The following CDK5RAP2 variants were observed in gnomAD, a reference collection of about 807,000 sequenced individuals.
The protein encoded by CDK5RAP2 is CDK5 regulatory subunit-associated protein 2.
A neutral mutation model predicts 232.9 loss-of-function variants in CDK5RAP2; 147 were observed. The ratio of observed to expected loss-of-function variants is 0.63; its 90% CI spans 0.55 to 0.72. CDK5RAP2 has a LOEUF of 0.72. Ranked by LOEUF, CDK5RAP2 falls within the 30% of genes least tolerant of loss-of-function variation. The pLI is 0.00. For missense variants in CDK5RAP2, 2,195 were observed against 2,231.5 expected (o/e 0.98, Z 0.33); for synonymous variants, 833 against 833.7 (o/e 1.00, Z 0.01).
intron 12 of CDK5RAP2, among the ~76,000 whole-genome samples, chr9:120,506,789 C>T (rs930754179): frequency 6.6e-5 from 10 of 152,172 alleles, no homozygotes; most frequent in African/African-American, 2.4e-4. Flanking sequence ...GGAATTACTT[C>T]TTATGAATGG....
intron 12 of CDK5RAP2, among the ~76,000 whole-genome samples, chr9:120,503,318 G>A (rs1173926443): frequency 6.6e-6 from 1 of 152,192 alleles, no homozygotes; most frequent in Non-Finnish European, 1.5e-5. Context: ...AGCAGTCAAA[G>A]AAAGTTTAAA....
intron 12 of CDK5RAP2, among the ~76,000 whole-genome samples, chr9:120,497,421 T>TAAAAAAAAAA (rs71385064): frequency 1.0e-3 from 24 of 23,300 alleles, no homozygotes; most frequent in East Asian, 0.013. Flanking sequence ...AAAATAAATT[T>TAAAAAAAAAA]AAAAAAAAAA....
chr9:120,541,288 G>A (rs1340538237), intron 5 of CDK5RAP2, among the ~76,000 whole-genome samples: 1 of 152,170 alleles, frequency 6.6e-6, no homozygotes, highest in Non-Finnish European at 1.5e-5. Flanking sequence ...TAACCTTTCT[G>A]TTTTGCTGTC....
chr9:120,389,444 A>T, intron 37 of CDK5RAP2, 152 bp from the exon 38 acceptor site: 1 of 709,316 alleles, frequency 1.4e-6, no homozygotes, highest in South Asian at 1.6e-5. Context: ...AACAACGATG[A>T]GATCATACTG....
chr9:120,410,884 T>A (rs182081296), intron 29 of CDK5RAP2, among the ~76,000 whole-genome samples: 1 of 152,350 alleles, frequency 6.6e-6, no homozygotes, highest in African/African-American at 2.4e-5. Flanking sequence ...GAAAGCTCTT[T>A]GGGAGCCAAG....
At position 120,409,120 on chromosome 9, in the gene CDK5RAP2, C is replaced by T. The variant is rs2033682922; in HGVS notation, c.4604+7G>A. ...CCAGCAGGCCACCAGGGAAGCACAG[C>T]CACTACCTGCTCAGCTCCTGGCCGC... On this transcript the variant is annotated splice_region_variant and intron_variant, in intron 30 of 37. Transcript: ENST00000349780. The T allele has an allele frequency of 6.2e-7, 1 of 1,610,606 alleles. No individual in the cohort carries two copies. The highest frequency in any genetic ancestry group is 1.7e-5 in the Admixed American group (1 of 60,012).
intron 27 of CDK5RAP2, among the ~76,000 whole-genome samples, chr9:120,416,331 T>C (rs577822045): frequency 2.9e-4 from 44 of 152,322 alleles, no homozygotes; most frequent in African/African-American, 1.1e-3. Context: ...TGGGGTTGGA[T>C]TAATTTGCTA....
chr9:120,398,780 T>C (rs1588227500), intron 35 of CDK5RAP2, among the ~76,000 whole-genome samples: 3 of 152,216 alleles, frequency 2.0e-5, no homozygotes, highest in African/African-American at 7.2e-5. Flanking sequence ...TCCACACAAC[T>C]GGTGCACATG....
At chr9:120,501,098 G>A (rs1289206259) in intron 12 of CDK5RAP2, among the ~76,000 whole-genome samples, 6 of 152,110 alleles carry the variant, frequency 3.9e-5, no homozygotes, top group Admixed American at 3.3e-4. Flanking sequence ...AACATACGAT[G>A]GCCCACAAGG....
chr9:120,475,492 C>T (rs1055599296), intron 15 of CDK5RAP2, among the ~76,000 whole-genome samples: 2 of 152,146 alleles, frequency 1.3e-5, no homozygotes, highest in Admixed American at 1.3e-4. Flanking sequence ...ATCAACCTGG[C>T]TCCTACCCAG....
intron 13 of CDK5RAP2, among the ~76,000 whole-genome samples, chr9:120,491,087 C>T (rs2038878222): frequency 6.6e-6 from 1 of 152,160 alleles, no homozygotes; most frequent in South Asian, 2.1e-4. Flanking sequence ...GCTATTTAGT[C>T]GTCATATGAC....
At position 120,479,625 on chromosome 9, in the gene CDK5RAP2, CCAGA is replaced by C. The variant is rs1588445332; in HGVS notation, c.1627-2179_1627-2176del. Among the ~76,000 whole-genome samples the C allele has an allele frequency of 3.3e-5, 5 of 152,286 alleles. No homozygotes were observed. The East Asian group carries it at 9.6e-4, about 29-fold the overall frequency. ...ACTGAATCTAATCAGCAAGAAAACACCAGACAAACAACCCAAACTGAAGGGACAT... is the reference window on the plus strand; with the variant it reads ...ACTGAATCTAATCAGCAAGAAAACACCAAACAACCCAAACTGAAGGGACAT... On this transcript the variant is annotated intron_variant, in intron 14 of 37. Coordinates refer to ENST00000349780, the MANE Select transcript of CDK5RAP2 (RefSeq NM_018249.6).
At chr9:120,547,422 G>T (rs150047881) in intron 4 of CDK5RAP2, among the ~76,000 whole-genome samples, 282 of 152,156 alleles carry the variant, frequency 1.9e-3, no homozygotes, top group African/African-American at 6.2e-3. Flanking sequence ...TGGCCAACAT[G>T]GCAAAACACT....
chr9:120,411,672 C>T (rs1295668211), intron 28 of CDK5RAP2, among the ~76,000 whole-genome samples, 198 bp from the exon 29 acceptor site: 2 of 152,174 alleles, frequency 1.3e-5, no homozygotes, highest in East Asian at 3.9e-4. Context: ...GGCTCCCCCA[C>T]ATCTTACCTA....
At position 120,391,529 on chromosome 9, in the gene CDK5RAP2, G is replaced by A. The variant is rs1473091325; in HGVS notation, c.5579-1742C>T. Among the ~76,000 whole-genome samples the A allele has an allele frequency of 8.5e-5, 13 of 152,184 alleles. No individual in the cohort carries two copies. In the South Asian group the frequency reaches 1.2e-3, roughly 15 times the overall value. On this transcript the variant is annotated intron_variant, in intron 36 of 37. Transcript: ENST00000349780. ...GACCTGGTGACAGGTGGTTTCCAAC[G>A]GTGGCCTCACTGAATACTCCCCCAC...
rs754245073 is a variant in CDK5RAP2, at chr9:120,536,479, T to C, written c.555A>G (p.Thr185=). 1 of 1,614,192 alleles carries C rather than the reference T, an allele frequency of 6.2e-7. No homozygotes were observed. Among genetic ancestry groups the C allele is most frequent in the Non-Finnish European group, 8.5e-7 (1 of 1,180,014 alleles). ...QAELEKAFAG[T]ETEKALRLRL... Reference sequence around the variant, plus strand: ...GCAACCGAAGAGCCTTCTCCGTCTCTGTCCCTGCAAAGGCCTTTTCCAGTT... The same window carrying C: ...GCAACCGAAGAGCCTTCTCCGTCTCCGTCCCTGCAAAGGCCTTTTCCAGTT... Residue 185 remains threonine (T), a synonymous_variant, in exon 7 of 38, where the codon ACA becomes ACG. Coordinates refer to ENST00000349780, the MANE Select transcript of CDK5RAP2 (RefSeq NM_018249.6).
chr9:120,460,460 C>T, intron 19 of CDK5RAP2, 112 bp downstream of exon 19: 5 of 965,736 alleles, frequency 5.2e-6, no homozygotes, highest in Non-Finnish European at 8.2e-6. Flanking sequence ...ATGAAAGGTA[C>T]AGGATATAGG....
chr9:120,403,734 A>G lies in CDK5RAP2; in HGVS notation c.5041+302T>C. ...CTGTGTGGCTACACCAGGTTAAGGGATAAGGCTGGACGGACCCACTGGAGC... is the reference window on the plus strand; with the variant it reads ...CTGTGTGGCTACACCAGGTTAAGGGGTAAGGCTGGACGGACCCACTGGAGC... On this transcript the variant is annotated intron_variant, in intron 33 of 37. Transcript: ENST00000349780. The surrounding 1 kb of genome is among the most constrained non-coding windows in gnomAD (Gnocchi z 4.2). The G allele has an allele frequency of 2.2e-6, 1 of 452,740 alleles. No homozygotes were observed. The highest frequency in any genetic ancestry group is 6.6e-4 in the Middle Eastern group (1 of 1,506). 28.0% of individuals were successfully genotyped at this position (452,740 alleles called of 1,614,324 possible).
intron 5 of CDK5RAP2, among the ~76,000 whole-genome samples, chr9:120,545,263 T>C (rs944682476): frequency 1.3e-5 from 2 of 152,166 alleles, no homozygotes; most frequent in African/African-American, 4.8e-5. Flanking sequence ...ATTAACAACA[T>C]AGATCAATCT....
Sources: allele counts gnomAD v4.1 joint callset (sites outside exome capture counted in the v4.1 genomes callset), GRCh38; gene constraint gnomAD v4.1.1; non-coding constraint Gnocchi (gnomAD v3.1); transcripts MANE v1.5; gene names NCBI Gene and HGNC (gene_info 2026-07-23, HGNC 2026-07-21).